Variants in ZNF423 observed in about 807,000 individuals in gnomAD.
ZNF423 encodes the protein Ebf-associated zinc finger protein.
A neutral mutation model predicts 95.8 loss-of-function variants in ZNF423; 12 were observed. The ratio of observed to expected loss-of-function variants is 0.13; its 90% confidence interval spans 0.08 to 0.20. The LOEUF is 0.20. Ranked by LOEUF, ZNF423 falls within the 10% of genes least tolerant of loss-of-function variation. The pLI, the probability that ZNF423 is intolerant of heterozygous loss-of-function variation, is 1.00. For missense variants in ZNF423, 1,316 were observed against 1,737.1 expected (o/e 0.76, Z 4.31); for synonymous variants, 749 against 711.9 (o/e 1.05, Z -0.83).
chr16:49,801,582 A>G (rs2034583877), intron 1 of ZNF423, among the ~76,000 whole-genome samples: 1 of 152,186 alleles, frequency 6.6e-6, no homozygotes, highest in Non-Finnish European at 1.5e-5. Flanking sequence ...CTCAGAATAT[A>G]GTTTCCAGAC....
upstream of ZNF423, among the ~76,000 whole-genome samples, chr16:49,858,645 C>T (rs952444655): frequency 1.2e-4 from 18 of 152,048 alleles, no homozygotes; most frequent in African/African-American, 4.3e-4. The surrounding 1 kb of genome is among the most constrained non-coding windows in gnomAD (Gnocchi z 4.3). Context: ...GCTACCATCC[C>T]CAGGCCACAG....
intron 3 of ZNF423, among the ~76,000 whole-genome samples, chr16:49,699,597 T>C (rs1187446165): frequency 6.6e-6 from 1 of 152,096 alleles, no homozygotes; most frequent in Non-Finnish European, 1.5e-5. Flanking sequence ...AGAATCTAAG[T>C]TTGTCATGTC....
chr16:49,616,928 C>T (rs1319986603), intron 5 of ZNF423, among the ~76,000 whole-genome samples: 3 of 152,210 alleles, frequency 2.0e-5, no homozygotes, highest in Non-Finnish European at 2.9e-5. Context: ...CAGAACTTAA[C>T]ATGTGCCAGG....
At position 49,636,348 on chromosome 16, in the gene ZNF423, C is replaced by T. The variant is rs958992767; in HGVS notation, c.2828G>A (p.Cys943Tyr). 1.9e-6 allele frequency: 3 copies of T among 1,612,890 alleles called. No individual in the cohort carries two copies. The highest frequency in any genetic ancestry group is 2.5e-6 in the Non-Finnish European group (3 of 1,180,020). Reference sequence around the variant, plus strand: ...GTTCTCCGAGAAGAAAGTCCGTGAACAAACGTTGCACTTGTGACTGCCCTT... The same window carrying T: ...GTTCTCCGAGAAGAAAGTCCGTGAATAAACGTTGCACTTGTGACTGCCCTT... ...FIKGSHKCNV[C>Y]SRTFFSENGL... The change falls in exon 4 of 8, where the codon TGT becomes TAT. Residue 943 changes from cysteine (C) to tyrosine (Y), a missense_variant. Cys to Tyr is a radical substitution (Grantham distance 194, BLOSUM62 -2). This residue lies in a region of ZNF423 where 620 missense variants were observed against 775.6 expected (regional missense o/e 0.80). Coordinates refer to ENST00000563137, the MANE Select transcript of ZNF423 (RefSeq NM_001379286.1). This position sits in a 1 kb window ranked among gnomAD's most constrained non-coding sequence, Gnocchi z 8.6.
chr16:49,762,530 G>A (rs574083621), intron 2 of ZNF423, among the ~76,000 whole-genome samples: 1 of 152,188 alleles, frequency 6.6e-6, no homozygotes, highest in African/African-American at 2.4e-5. Context: ...ATGTTCATGA[G>A]GTCAAGCAAT....
intron 2 of ZNF423, among the ~76,000 whole-genome samples, chr16:49,771,700 C>T (rs1320463837): frequency 2.0e-5 from 3 of 152,198 alleles, no homozygotes; most frequent in Non-Finnish European, 2.9e-5. Flanking sequence ...CCATGTAAGA[C>T]GTGCCTTTGC....
intron 3 of ZNF423, among the ~76,000 whole-genome samples, chr16:49,726,569 T>C (rs2033020155): frequency 6.6e-6 from 1 of 152,104 alleles, no homozygotes; most frequent in Admixed American, 6.6e-5. Context: ...TCCAACATGA[T>C]TTAAATCAGT....
chr16:49,634,500 T>C (rs570613027), intron 4 of ZNF423, among the ~76,000 whole-genome samples: 1 of 152,028 alleles, frequency 6.6e-6, no homozygotes, highest in African/African-American at 2.4e-5. Context: ...CTCCCTTTAC[T>C]CTCTCTGGCC....
At chr16:49,623,380 C>T (rs1972150653) in intron 5 of ZNF423, among the ~76,000 whole-genome samples, 1 of 152,178 alleles carries the variant, frequency 6.6e-6, no homozygotes, top group Admixed American at 6.5e-5. Context: ...GAGCAACCCC[C>T]TTGCCTTGCA....
At chr16:49,772,167 C>T (rs2034046933) in intron 2 of ZNF423, among the ~76,000 whole-genome samples, 1 of 152,202 alleles carries the variant, frequency 6.6e-6, no homozygotes, top group Admixed American at 6.5e-5. Context: ...TGTTGTCAGT[C>T]CCAGTCCCAG....
chr16:49,845,463 G>A (rs1200204498), intron 1 of ZNF423, among the ~76,000 whole-genome samples: 2 of 151,508 alleles, frequency 1.3e-5, no homozygotes, highest in African/African-American at 2.4e-5. Context: ...GGTTGAACTC[G>A]AACACGTAGC....
intron 5 of ZNF423, among the ~76,000 whole-genome samples, chr16:49,560,320 A>G (rs1969974098): frequency 6.6e-6 from 1 of 152,172 alleles, no homozygotes; most frequent in Admixed American, 6.5e-5. Flanking sequence ...CCAGGCCCCA[A>G]GTGGCTCTCC....
At position 49,649,418 on chromosome 16, in the gene ZNF423, G is replaced by C. The variant is rs538589341; in HGVS notation, c.302-10544C>G. On this transcript the variant is annotated intron_variant, in intron 3 of 7. Transcript: ENST00000563137. ...TGTGCCTGCCCTGGGTACAGAGTAA[G>C]TCTCAGGTGGTAGGTATCCCAGCTC... 6.6e-5 allele frequency among the ~76,000 whole-genome samples: 10 copies of C among 152,260 alleles called. No individual in the cohort carries two copies. In the South Asian group the frequency reaches 2.1e-3, roughly 32 times the overall value.
intron 2 of ZNF423, among the ~76,000 whole-genome samples, chr16:49,787,054 A>T (rs1310811690): frequency 6.6e-6 from 1 of 152,194 alleles, no homozygotes; most frequent in Non-Finnish European, 1.5e-5. Context: ...ACGATGGCTC[A>T]GCGAGATGCT....
intron 1 of ZNF423, chr16:49,853,958 A>C: frequency 2.0e-6 from 2 of 985,458 alleles, no homozygotes; most frequent in South Asian, 4.7e-5. Context: ...TTCCAATTCC[A>C]CATTTTCTTC....
chr16:49,791,771 G>A (rs551013671), intron 1 of ZNF423, among the ~76,000 whole-genome samples: 1 of 152,156 alleles, frequency 6.6e-6, no homozygotes, highest in African/African-American at 2.4e-5. Context: ...GGAGGCCAAG[G>A]CAAGCAGATC....
At chr16:49,533,015 C>A (rs903473094) in intron 5 of ZNF423, among the ~76,000 whole-genome samples, 1 of 152,184 alleles carries the variant, frequency 6.6e-6, no homozygotes, top group Non-Finnish European at 1.5e-5. Context: ...GGTCACCCCC[C>A]ACCCTGCAGC....
intron 5 of ZNF423, among the ~76,000 whole-genome samples, chr16:49,618,099 G>A (rs992961362): frequency 3.3e-5 from 5 of 152,178 alleles, no homozygotes; most frequent in Non-Finnish European, 7.3e-5. Flanking sequence ...CCCACCAAAC[G>A]TGATGAGCCT....
chr16:49,696,637 G>A (rs759244813), intron 3 of ZNF423, among the ~76,000 whole-genome samples: 1 of 152,172 alleles, frequency 6.6e-6, no homozygotes, highest in Non-Finnish European at 1.5e-5. Context: ...GGCTGTGACG[G>A]CACCTACCCA....
Sources: gnomAD v4.1 joint callset for allele counts (sites outside exome capture counted in the v4.1 genomes callset) on GRCh38, gnomAD v4.1.1 for gene constraint, gnomAD v4.1.1 regional missense constraint, Gnocchi (gnomAD v3.1) non-coding constraint, MANE v1.5 for transcripts, NCBI Gene and HGNC (gene_info 2026-07-23, HGNC 2026-07-21) for gene names.